Variants in NELL1 observed in about 807,000 individuals in gnomAD.
NELL1 encodes the protein neural EGFL like 1.
NELL1 carries 76 observed loss-of-function variants against 107.4 expected under a neutral mutation model. The ratio of observed to expected loss-of-function variants is 0.71; its 90% CI spans 0.59 to 0.86. The LOEUF (loss-of-function observed/expected upper bound fraction) is 0.86. Ranked by LOEUF, NELL1 falls within the 40% of genes least tolerant of loss-of-function variation. The pLI is 0.00. For missense variants in NELL1, 1,024 were observed against 1,005.5 expected (o/e 1.02, Z -0.25); for synonymous variants, 353 against 341.2 (o/e 1.03, Z -0.38).
At chr11:20,706,730 T>A (rs1038042444) in intron 2 of NELL1, among the ~76,000 whole-genome samples, 1 of 151,948 alleles carries the variant, frequency 6.6e-6, no homozygotes, top group Non-Finnish European at 1.5e-5. Flanking sequence ...ACTTGTAGAG[T>A]TTCTGCTGAG....
chr11:21,096,922 G>A (rs920090021), intron 12 of NELL1, among the ~76,000 whole-genome samples: 1 of 151,778 alleles, frequency 6.6e-6, no homozygotes, highest in Admixed American at 6.6e-5. Flanking sequence ...TTGTTGTGTT[G>A]TCCTGGCTGG....
At chr11:20,688,480 T>A (rs1011015625) in intron 2 of NELL1, among the ~76,000 whole-genome samples, 2 of 152,154 alleles carry the variant, frequency 1.3e-5, no homozygotes, top group African/African-American at 2.4e-5. Flanking sequence ...ACCTGTAGTA[T>A]TTGATTTTCT....
intron 3 of NELL1, among the ~76,000 whole-genome samples, chr11:20,820,704 C>T (rs1433380934): frequency 1.3e-5 from 2 of 152,082 alleles, no homozygotes; most frequent in Admixed American, 6.6e-5. Context: ...CCCTTTGTAC[C>T]TATTTCTCTT....
intron 13 of NELL1, among the ~76,000 whole-genome samples, chr11:21,225,814 G>C (rs1857878864): frequency 2.0e-5 from 3 of 152,152 alleles, no homozygotes; most frequent in Non-Finnish European, 1.5e-5. Context: ...GCACTTACCA[G>C]CTGTAACATG....
intron 15 of NELL1, among the ~76,000 whole-genome samples, chr11:21,390,574 TCTGTATATTAGATCAGTA>T (rs1240580037): frequency 6.6e-6 from 1 of 151,318 alleles, no homozygotes; most frequent in Non-Finnish European, 1.5e-5. Flanking sequence ...ATTTCTCTAT[TCTGTATATTAGATCAGTA>T]TTCAGTGTTT....
intron 15 of NELL1, among the ~76,000 whole-genome samples, chr11:21,510,764 T>C (rs182191490): frequency 1.8e-4 from 28 of 152,342 alleles, no homozygotes; most frequent in Admixed American, 1.3e-3. Flanking sequence ...ACTCTGTGCA[T>C]GATCTTCTTC....
rs538863658 is a variant in NELL1 at position 21,381,626 on chromosome 11, A to G, written c.1645+10678A>G. On this transcript the variant is annotated intron_variant, in intron 15 of 19. Coordinates refer to ENST00000357134, the MANE Select transcript of NELL1 (RefSeq NM_006157.5). ...GCCCAAGGATACTCAGCAGGTAAAC[A>G]GTAAAGCCATGTCTTATATTTATCT... 2.0e-5 allele frequency among the ~76,000 whole-genome samples: 3 copies of G among 152,068 alleles called. No homozygotes were observed. The South Asian group carries it at 6.2e-4, about 32-fold the overall frequency.
intron 14 of NELL1, among the ~76,000 whole-genome samples, chr11:21,361,312 C>T (rs1452225718): frequency 6.9e-6 from 1 of 144,906 alleles, no homozygotes; most frequent in African/African-American, 2.6e-5. Flanking sequence ...AAGATGAGAC[C>T]CCAATCCCTT....
At chr11:21,558,043 G>A (rs1347584214) in intron 16 of NELL1, among the ~76,000 whole-genome samples, 3 of 152,006 alleles carry the variant, frequency 2.0e-5, no homozygotes, top group Non-Finnish European at 2.9e-5. Flanking sequence ...CAAAAAATCT[G>A]TAGTGACTGT....
chr11:21,539,455 C>T lies in NELL1; in HGVS notation c.1786+4941C>T, dbSNP rs77382923. 6.3e-3 allele frequency among the ~76,000 whole-genome samples: 955 copies of T among 151,888 alleles called. 4 individuals carry two copies. The highest frequency in any genetic ancestry group is 9.4e-3 in the Non-Finnish European group (638 of 67,958). On this transcript the variant is annotated intron_variant, in intron 16 of 19. Coordinates refer to ENST00000357134, the MANE Select transcript of NELL1 (RefSeq NM_006157.5). ...TGTCCAGGAAAAATCATATTACACA[C>T]GGACTTGAAGGATGGTGAATGTGGG...
At chr11:21,030,622 ATTTTT>A (rs201033870) in intron 12 of NELL1, among the ~76,000 whole-genome samples, 14,969 of 120,172 alleles carry the variant, frequency 0.12, 1,235 homozygotes, top group East Asian at 0.33. Flanking sequence ...ATTTTCTTGT[ATTTTT>A]TTTTTTTTTT....
chr11:21,443,040 C>CAA (rs34085673), intron 15 of NELL1, among the ~76,000 whole-genome samples: 3,642 of 138,620 alleles, frequency 0.026, 66 homozygotes, highest in Middle Eastern at 0.057. Flanking sequence ...GGGTAATTTA[C>CAA]AAAAAAAGGA....
chr11:21,351,100 C>A (rs1473612537), intron 14 of NELL1, among the ~76,000 whole-genome samples: 1 of 152,132 alleles, frequency 6.6e-6, no homozygotes, highest in South Asian at 2.1e-4. Flanking sequence ...AGAGGAAAGT[C>A]ACATAAAGAT....
chr11:20,983,460 A>C (rs995387336), intron 12 of NELL1, among the ~76,000 whole-genome samples: 1 of 152,164 alleles, frequency 6.6e-6, no homozygotes, highest in African/African-American at 2.4e-5. Flanking sequence ...TTAAAGATGT[A>C]TGATCTCTGC....
chr11:21,450,145 T>A (rs1199362381), intron 15 of NELL1, among the ~76,000 whole-genome samples: 1 of 152,234 alleles, frequency 6.6e-6, no homozygotes, highest in Non-Finnish European at 1.5e-5. Context: ...AGAAATTTAT[T>A]GTCATTTTAT....
At chr11:21,472,151 TTTTG>T (rs145893225) in intron 15 of NELL1, among the ~76,000 whole-genome samples, 132,048 of 150,860 alleles carry the variant, frequency 0.88, 57,826 homozygotes, top group East Asian at 0.97. Context: ...TTCTGTTTTG[TTTTG>T]TTTGTTTGTT....
chr11:21,041,093 A>G (rs1486685388), intron 12 of NELL1, among the ~76,000 whole-genome samples: 1 of 152,182 alleles, frequency 6.6e-6, no homozygotes, highest in Non-Finnish European at 1.5e-5. Context: ...TTATGTTGAA[A>G]GAATTTAGAG....
At chr11:21,258,175 A>G (rs934009741) in intron 14 of NELL1, among the ~76,000 whole-genome samples, 1 of 152,012 alleles carries the variant, frequency 6.6e-6, no homozygotes, top group African/African-American at 2.4e-5. Flanking sequence ...AAAAAATGTT[A>G]TGTGACTTGC....
In NELL1 at chr11:21,124,603, A is replaced by ATTT. The variant is rs35321090; in HGVS notation, c.1426+10903_1426+10905dup. On this transcript the variant is annotated intron_variant, in intron 13 of 19. Coordinates refer to ENST00000357134, the MANE Select transcript of NELL1 (RefSeq NM_006157.5). The stretch of plus-strand genomic sequence containing the variant: ...GGTGAGGGCCTGTTCCTCACAGATG[A>ATTT]TTTTTTTTTTTTTTTTGAGACAGAT... 7.1e-4 allele frequency among the ~76,000 whole-genome samples: 101 copies of ATTT among 142,010 alleles called. 2 individuals are homozygous for ATTT. The highest frequency in any genetic ancestry group is 7.5e-3 in the Middle Eastern group (2 of 266). 93.2% of individuals were successfully genotyped at this position (142,010 alleles called of 152,430 possible).
Sources: allele counts gnomAD v4.1 joint callset (sites outside exome capture counted in the v4.1 genomes callset), GRCh38; gene constraint gnomAD v4.1.1; transcripts MANE v1.5; gene names NCBI Gene and HGNC (gene_info 2026-07-23, HGNC 2026-07-21).